The following PKD1L1 variants were observed in gnomAD, a reference collection of about 807,000 sequenced individuals.
The protein encoded by PKD1L1 is polycystin 1 like 1, transient receptor potential channel interacting, also known as polycystin-1-like protein 1.
A neutral mutation model predicts 323.4 loss-of-function variants in PKD1L1; 236 were observed. The ratio of observed to expected loss-of-function variants is 0.73; its 90% CI spans 0.66 to 0.81. The LOEUF (loss-of-function observed/expected upper bound fraction) is 0.81. Ranked by LOEUF, PKD1L1 falls within the 40% of genes least tolerant of loss-of-function variation. The pLI, the probability that PKD1L1 is intolerant of heterozygous loss-of-function variation, is 0.00. For missense variants in PKD1L1, 3,320 were observed against 3,508.0 expected (o/e 0.95, Z 1.35); for synonymous variants, 1,344 against 1,335.0 (o/e 1.01, Z -0.15).
chr7:47,811,433 G>A (rs1217029303), intron 50 of PKD1L1, among the ~76,000 whole-genome samples: 1 of 152,122 alleles, frequency 6.6e-6, no homozygotes, highest in Non-Finnish European at 1.5e-5. Context: ...GAGATTACAG[G>A]CATAAGCCAC....
rs760687222 is a variant in PKD1L1, at chr7:47,904,617, C to T, written c.1692G>A (p.Trp564Ter). The T allele has an allele frequency of 6.2e-7, 1 of 1,607,976 alleles. No homozygotes were observed. Among genetic ancestry groups the T allele is most frequent in the South Asian group, 1.1e-5 (1 of 90,768 alleles). The change falls in exon 12 of 57, where the codon TGG (tryptophan) becomes TGA (stop). Residue 564 changes from tryptophan to a stop codon, truncating the protein, a stop_gained and splice_region_variant. Coordinates refer to ENST00000289672, the MANE Select transcript of PKD1L1 (RefSeq NM_138295.5). LOFTEE classifies it high-confidence loss of function. ...SIKKRLSIPQ[W>*]YRVMVKASNR... ...TGGAAGCCTTAACCATCACACGATA[C>T]CTGCAGGATGGGGAAAGGAGGGCAG... is the stretch of plus-strand genomic sequence containing the variant.
intron 28 of PKD1L1, among the ~76,000 whole-genome samples, chr7:47,855,596 G>A (rs957113043): frequency 2.1e-5 from 3 of 142,586 alleles, no homozygotes; most frequent in African/African-American, 8.6e-5. Flanking sequence ...CAAGAGTGGG[G>A]CCGGGCGCGG....
At chr7:47,811,419 TG>T (rs1784892243) in intron 50 of PKD1L1, among the ~76,000 whole-genome samples, 1 of 152,128 alleles carries the variant, frequency 6.6e-6, no homozygotes, top group African/African-American at 2.4e-5. Flanking sequence ...CCTCCCAAAG[TG>T]CTGAGATTAC....
chr7:47,819,638 C>T, intron 46 of PKD1L1: 1 of 1,116,488 alleles, frequency 9.0e-7, no homozygotes, highest in Non-Finnish European at 1.2e-6. Flanking sequence ...TTACAATGCT[C>T]AGCAGAAAAA....
At chr7:47,796,983 G>T (rs1401373864) in intron 54 of PKD1L1, among the ~76,000 whole-genome samples, 4 of 139,280 alleles carry the variant, frequency 2.9e-5, no homozygotes, top group Non-Finnish European at 6.1e-5. Context: ...CTGGGCGACA[G>T]AGCAAGACTC....
chr7:47,809,399 T>A, intron 51 of PKD1L1, 74 bp downstream of exon 51: 1 of 1,178,666 alleles, frequency 8.5e-7, no homozygotes. Flanking sequence ...ATCAATTTCT[T>A]ATTTAAATTA....
chr7:47,886,810 C>G (rs1186239885), intron 17 of PKD1L1, among the ~76,000 whole-genome samples: 4 of 152,028 alleles, frequency 2.6e-5, no homozygotes, highest in Non-Finnish European at 4.4e-5. Flanking sequence ...ATTACCCAGC[C>G]TCAGGTATTC....
chr7:47,877,445 A>G, intron 22 of PKD1L1, 44 bp downstream of exon 22: 1 of 1,605,714 alleles, frequency 6.2e-7, no homozygotes, highest in Non-Finnish European at 8.5e-7. Context: ...GCCAGATGCC[A>G]CTGTCGGGGG....
the PKD1L1 span, among the ~76,000 whole-genome samples, chr7:47,960,397 G>A: frequency 6.2e-4 from 36 of 58,334 alleles, 1 homozygote; most frequent in East Asian, 1.3e-3. Flanking sequence ...AAAAAAAACT[G>A]TAAAAAAGAA....
chr7:47,859,185 G>A (rs1383426335), intron 26 of PKD1L1, among the ~76,000 whole-genome samples: 1 of 152,166 alleles, frequency 6.6e-6, no homozygotes, highest in Non-Finnish European at 1.5e-5. Context: ...TTGACCAAAG[G>A]AAAACAAATG....
chr7:47,816,048 GGGGCCACA>G (rs1246724355), intron 46 of PKD1L1, among the ~76,000 whole-genome samples: 1 of 152,154 alleles, frequency 6.6e-6, no homozygotes, highest in African/African-American at 2.4e-5. Flanking sequence ...GGAAGGTGTC[GGGGCCACA>G]GGGCTGGTGC....
At position 47,803,216 on chromosome 7, in the gene PKD1L1, T is replaced by C. The variant is rs1253217296; in HGVS notation, c.7956A>G (p.Val2652=). 1 of 1,614,152 alleles carries C rather than the reference T, an allele frequency of 6.2e-7. No individual in the cohort carries two copies. The highest frequency in any genetic ancestry group is 1.7e-5 in the Admixed American group (1 of 60,018). The change falls in exon 53 of 57, where the codon GTA becomes GTG. Residue 2652 remains valine, a synonymous_variant. Transcript: ENST00000289672. ...MMRHSLPSIF[V]AGLVGALMLA... is the part of the protein sequence containing the mutation. ...TAAAGGGGAGAGTTCTTACCCCTGC[T>C]ACAAAGATGCTGGGGAGTGAGTGGC...
intron 7 of PKD1L1, among the ~76,000 whole-genome samples, chr7:47,924,460 AGGAGTAGTTG>A (rs1787619098): frequency 6.6e-6 from 1 of 152,228 alleles, no homozygotes; most frequent in Admixed American, 6.5e-5. Context: ...TGTTATTTAC[AGGAGTAGTTG>A]GGAAAGTTAC....
rs566023198 is a variant in PKD1L1, at chr7:47,934,301, C to T, written c.399-2245G>A. On this transcript the variant is annotated intron_variant, in intron 4 of 56. Coordinates refer to ENST00000289672, the MANE Select transcript of PKD1L1 (RefSeq NM_138295.5). ...GACACTGTGGAAAAACACAAACATG[C>T]GTGGACCTAGTTATCTCTAACCTTG... is the stretch of plus-strand genomic sequence containing the variant. Among the ~76,000 whole-genome samples the T allele has an allele frequency of 2.6e-5, 4 of 152,098 alleles. No homozygotes were observed. The East Asian group carries it at 7.8e-4, about 30-fold the overall frequency.
chr7:47,837,006 T>G lies in PKD1L1; in HGVS notation c.5858A>C (p.His1953Pro), dbSNP rs896186704. ...GAAGGACACGGTGAGGCGCGGCGTGTGCAGGTAGCGGCTGGAGGAGGGCCT... is the reference window on the plus strand; with the variant it reads ...GAAGGACACGGTGAGGCGCGGCGTGGGCAGGTAGCGGCTGGAGGAGGGCCT... ...YSRPSSSRYLHTPRLTVSFSL... is the reference protein window; with the variant it reads ...YSRPSSSRYLPTPRLTVSFSL... Residue 1953 changes from histidine to proline, a missense_variant, in exon 37 of 57, where the codon CAC becomes CCC. Physicochemically the swap from His to Pro is moderately conservative, Grantham distance 77. Transcript: ENST00000289672. The G allele has an allele frequency of 2.5e-6, 4 of 1,614,160 alleles. No individual in the cohort carries two copies. Among genetic ancestry groups the G allele is most frequent in the South Asian group, 1.1e-5 (1 of 91,078 alleles).
chr7:47,831,088 G>A (rs1413461405), intron 42 of PKD1L1, 129 bp downstream of exon 42: 2 of 1,241,208 alleles, frequency 1.6e-6, no homozygotes, highest in African/African-American at 1.5e-5. Context: ...GGAGAAATGA[G>A]GGAGAAAATA....
intron 23 of PKD1L1, among the ~76,000 whole-genome samples, chr7:47,875,188 T>A (rs1427283580): frequency 1.3e-5 from 2 of 152,172 alleles, no homozygotes; most frequent in Non-Finnish European, 2.9e-5. Context: ...ATTATGAAGA[T>A]CTCAAAATGC....
intron 56 of PKD1L1, among the ~76,000 whole-genome samples, chr7:47,781,414 T>C (rs560792934): frequency 8.2e-6 from 1 of 122,134 alleles, no homozygotes; most frequent in Non-Finnish European, 1.7e-5. Context: ...GTTTTGTTTT[T>C]TTTTTTTTTT....
At position 47,845,092 on chromosome 7, in the gene PKD1L1, G is replaced by A. The variant is rs765236964; in HGVS notation, c.5154-14C>T. ...AGGCGATGGTAGCTAGGAGGGAAAT[G>A]CGGATGAGGATACAGAATGTGTGGA... is the stretch of plus-strand genomic sequence containing the variant. On this transcript the variant is annotated splice_polypyrimidine_tract_variant and intron_variant, in intron 32 of 56. Coordinates refer to ENST00000289672, the MANE Select transcript of PKD1L1 (RefSeq NM_138295.5). The A allele has an allele frequency of 1.2e-6, 2 of 1,609,130 alleles. No individual in the cohort carries two copies. Among genetic ancestry groups the A allele is most frequent in the South Asian group, 1.1e-5 (1 of 90,652 alleles).
Sources: gnomAD v4.1 joint callset for allele counts (sites outside exome capture counted in the v4.1 genomes callset) on GRCh38, gnomAD v4.1.1 for gene constraint, MANE v1.5 for transcripts, NCBI Gene and HGNC (gene_info 2026-07-23, HGNC 2026-07-21) for gene names.